RBMS3: variants seen among roughly 807,000 people sequenced by gnomAD.
RBMS3 encodes the protein RNA binding motif single stranded interacting protein 3, also known as RNA-binding motif, single-stranded-interacting protein 3.
Under a neutral mutation model 66.8 loss-of-function variants are expected in RBMS3, and 27 were observed. The ratio of observed to expected loss-of-function variants is 0.40; its 90% CI spans 0.30 to 0.56. RBMS3 has a LOEUF of 0.56. RBMS3 is among the 20% of genes least tolerant of loss of function. RBMS3 has a pLI of 0.40. For synonymous variants in RBMS3, 188 were observed against 183.0 expected (o/e 1.03, Z -0.22); for missense variants, 513 against 549.5 (o/e 0.93, Z 0.66).
intron 2 of RBMS3, among the ~76,000 whole-genome samples, chr3:29,457,519 C>A (rs1447548335): frequency 6.6e-6 from 1 of 152,038 alleles, no homozygotes; most frequent in African/African-American, 2.4e-5. Context: ...GTCAGGAGTT[C>A]GAGACTAGCC....
At chr3:29,334,810 A>T (rs990682707) in intron 1 of RBMS3, among the ~76,000 whole-genome samples, 1 of 152,160 alleles carries the variant, frequency 6.6e-6, no homozygotes, top group Non-Finnish European at 1.5e-5. Flanking sequence ...AGCTCACCAC[A>T]TTTGTCATGC....
chr3:29,292,782 A>G (rs1699435832), intron 1 of RBMS3, among the ~76,000 whole-genome samples: 1 of 151,868 alleles, frequency 6.6e-6, no homozygotes, highest in Admixed American at 6.6e-5. Flanking sequence ...AGAAAGATTA[A>G]GGGTATCAGG....
intron 8 of RBMS3, among the ~76,000 whole-genome samples, chr3:29,887,563 C>T (rs1291950956): frequency 6.6e-6 from 1 of 151,728 alleles, no homozygotes; most frequent in African/African-American, 2.4e-5. Flanking sequence ...CCCAACCGTG[C>T]TGAACTGTGA....
chr3:29,922,481 G>C (rs1431476723), intron 10 of RBMS3, among the ~76,000 whole-genome samples: 2 of 130,046 alleles, frequency 1.5e-5, no homozygotes, highest in African/African-American at 2.9e-5. Flanking sequence ...GCGACAGAGC[G>C]AGACTCCGTC....
chr3:29,795,365 T>C (rs1264947930), intron 6 of RBMS3, among the ~76,000 whole-genome samples: 1 of 152,218 alleles, frequency 6.6e-6, no homozygotes, highest in Non-Finnish European at 1.5e-5. Context: ...GAGTATATAT[T>C]TAAAATGTAT....
intron 6 of RBMS3, among the ~76,000 whole-genome samples, chr3:29,804,657 A>G (rs2057487546): frequency 6.6e-6 from 1 of 151,980 alleles, no homozygotes; most frequent in African/African-American, 2.4e-5. Flanking sequence ...ATATCTTACT[A>G]TTTATTTCTG....
At chr3:29,881,537 G>C (rs2059736882) in intron 7 of RBMS3, among the ~76,000 whole-genome samples, 1 of 152,082 alleles carries the variant, frequency 6.6e-6, no homozygotes, top group African/African-American at 2.4e-5. Flanking sequence ...CTTGAACTCA[G>C]GTCTGTCTTA....
At position 29,777,143 on chromosome 3, in the gene RBMS3, AACT is replaced by A. The variant is rs564621380; in HGVS notation, c.637+14157_637+14159del. ...CTTATTTCCCAAAGAAATTCTGTTC[AACT>A]ACAATACTTTTCATGCAGATTTTCC... On this transcript the variant is annotated intron_variant, in intron 6 of 14. Transcript: ENST00000383767. 2.6e-5 allele frequency among the ~76,000 whole-genome samples: 4 copies of A among 151,932 alleles called. No homozygotes were observed. The East Asian group carries it at 7.7e-4, about 29-fold the overall frequency.
intron 1 of RBMS3, among the ~76,000 whole-genome samples, chr3:29,402,857 A>G (rs1248321861): frequency 2.6e-5 from 4 of 152,044 alleles, no homozygotes; most frequent in East Asian, 3.9e-4. Context: ...ATTGAGGGCT[A>G]GGATGATAAA....
Position 29,837,674 on chromosome 3 carries a change from ATATATATATATATAT to A in RBMS3, c.638-31183_638-31169del, listed in dbSNP as rs1559724056. The stretch of plus-strand genomic sequence containing the variant: ...ATATATATAATGAACATATATATAT[ATATATATATATATAT>A]ATATATATATATATATATGCTTATT... On this transcript the variant is annotated intron_variant, in intron 6 of 14. Transcript: ENST00000383767. 5.6e-3 allele frequency among the ~76,000 whole-genome samples: 321 copies of A among 57,612 alleles called. 4 individuals are homozygous for A. The highest frequency in any genetic ancestry group is 0.021 in the African/African-American group (284 of 13,452). 37.8% of individuals were successfully genotyped at this position (57,612 alleles called of 152,430 possible).
chr3:29,694,855 T>TTTC (rs199846006), intron 4 of RBMS3, among the ~76,000 whole-genome samples: 5,525 of 152,126 alleles, frequency 0.036, 152 homozygotes, highest in Non-Finnish European at 0.056. Flanking sequence ...CATGCAAATT[T>TTTC]TTTTTTAAAA....
chr3:29,874,610 TGCATGTTA>T (rs1472311493), intron 7 of RBMS3, among the ~76,000 whole-genome samples: 1 of 152,200 alleles, frequency 6.6e-6, no homozygotes, highest in African/African-American at 2.4e-5. Flanking sequence ...GCCATTATGA[TGCATGTTA>T]GCACTTGCAA....
intron 10 of RBMS3, among the ~76,000 whole-genome samples, chr3:29,921,790 C>G (rs919724384): frequency 1.3e-5 from 2 of 152,060 alleles, no homozygotes; most frequent in Non-Finnish European, 2.9e-5. Context: ...AGATGCAATC[C>G]GGTGTGTCTA....
chr3:29,972,565 A>AC (rs66923156), intron 12 of RBMS3, among the ~76,000 whole-genome samples: 46,203 of 151,704 alleles, frequency 0.3, 8,052 homozygotes, highest in African/African-American at 0.48. Context: ...AAATCTCTTG[A>AC]CTAAAAAAAC....
At chr3:29,694,219 G>A (rs1201834136) in intron 4 of RBMS3, among the ~76,000 whole-genome samples, 2 of 152,012 alleles carry the variant, frequency 1.3e-5, no homozygotes, top group Non-Finnish European at 2.9e-5. Flanking sequence ...TCTGATATCT[G>A]TTTTTCATTA....
chr3:29,478,254 G>C (rs2043016367), intron 2 of RBMS3, among the ~76,000 whole-genome samples: 1 of 152,106 alleles, frequency 6.6e-6, no homozygotes, highest in Non-Finnish European at 1.5e-5. Context: ...CTACAAACCT[G>C]GTGGCTTATA....
chr3:29,340,612 A>G (rs907454730), intron 1 of RBMS3, among the ~76,000 whole-genome samples: 1 of 152,156 alleles, frequency 6.6e-6, no homozygotes, highest in African/African-American at 2.4e-5. Context: ...CTTCTGTTCA[A>G]AAGTCAAATA....
chr3:29,841,052 CAGT>C (rs1195455282), intron 6 of RBMS3, among the ~76,000 whole-genome samples: 1 of 144,416 alleles, frequency 6.9e-6, no homozygotes, highest in East Asian at 2.3e-4. Context: ...AAAAGTTAGA[CAGT>C]GTCATGATAT....
intron 5 of RBMS3, among the ~76,000 whole-genome samples, chr3:29,744,428 A>G (rs574478520): frequency 2.6e-5 from 4 of 152,260 alleles, no homozygotes; most frequent in African/African-American, 7.2e-5. Flanking sequence ...CACCAACCCA[A>G]CTGGTATTAG....
Sources: gnomAD v4.1 joint callset for allele counts (sites outside exome capture counted in the v4.1 genomes callset) on GRCh38, gnomAD v4.1.1 for gene constraint, MANE v1.5 for transcripts, NCBI Gene and HGNC (gene_info 2026-07-23, HGNC 2026-07-21) for gene names.